SURF4: variants seen among roughly 807,000 people sequenced by gnomAD.
The protein encoded by SURF4 is surfeit locus protein 4.
In SURF4, 3 loss-of-function variants were observed where a neutral mutation model predicts 30.0. That is an observed-to-expected ratio of 0.10 (90% CI 0.05 to 0.26). The LOEUF is 0.26. Among genes scored for constraint, SURF4 ranks in the 10% least tolerant of loss-of-function variants. The probability of loss-of-function intolerance (pLI) is 1.00; values close to 1 mark genes in which losing one functional copy is unlikely to be tolerated. For synonymous variants in SURF4, 143 were observed against 139.9 expected (o/e 1.02, Z -0.16); for missense variants, 217 against 350.8 (o/e 0.62, Z 3.05).
intron 1 of SURF4, among the ~76,000 whole-genome samples, chr9:133,368,495 C>T (rs1323236224): frequency 2.0e-5 from 3 of 152,242 alleles, no homozygotes; most frequent in Admixed American, 2.0e-4. Context: ...GAAGCTGGTA[C>T]CGCTAATGGC....
At chr9:133,368,885 G>A (rs1837337804) in intron 1 of SURF4, among the ~76,000 whole-genome samples, 1 of 152,242 alleles carries the variant, frequency 6.6e-6, no homozygotes, top group African/African-American at 2.4e-5. Flanking sequence ...AGAGTCTAAA[G>A]AGCACCCGAG....
Position 133,363,458 on chromosome 9 carries a change from C to T in SURF4, c.*35G>A, listed in dbSNP as rs2130086541. ...ACCCCGAACCAGTCCTTGACGGCCA[C>T]GGGTCTTAGCCAGGCAGGTAGGGAT... On this transcript the variant is annotated 3_prime_UTR_variant, in exon 6 of 6. Coordinates refer to ENST00000371989, the MANE Select transcript of SURF4 (RefSeq NM_033161.4). The surrounding 1 kb of genome is among the most constrained non-coding windows in gnomAD (Gnocchi z 4.3). 45 of 1,614,102 alleles carry T rather than the reference C, an allele frequency of 2.8e-5. No homozygotes were observed. The highest frequency in any genetic ancestry group is 3.2e-5 in the Non-Finnish European group (38 of 1,180,046).
rs2130236494 is a variant in SURF4 at position 133,375,397 on chromosome 9, G to C, written c.48+525C>G. 1.2e-5 allele frequency: 12 copies of C among 985,562 alleles called. No homozygotes were observed. The African/African-American group carries it at 1.9e-4, about 16-fold the overall frequency. 61.1% of individuals were successfully genotyped at this position (985,562 alleles called of 1,614,324 possible). A position where few individuals can be genotyped will look rare whatever the true frequency, so the allele number is the denominator to read the frequency against. On this transcript the variant is annotated intron_variant, in intron 1 of 5. Coordinates refer to ENST00000371989, the MANE Select transcript of SURF4 (RefSeq NM_033161.4). ...CCAAGAGTCCAGCACATCTGGGAAA[G>C]AGAAAAGGAAAAGGTGCTGTGGCTT...
At chr9:133,367,518 T>G in intron 1 of SURF4, 73 bp from the exon 2 acceptor site, 2 of 1,597,602 alleles carry the variant, frequency 1.3e-6, no homozygotes, top group Middle Eastern at 2.2e-4. Flanking sequence ...GGCACGTCCT[T>G]GGGCGGGGTG....
chr9:133,367,603 C>G, intron 1 of SURF4, 158 bp from the exon 2 acceptor site: 2 of 1,505,588 alleles, frequency 1.3e-6, no homozygotes, highest in South Asian at 2.5e-5. Context: ...CTAGGGGGCT[C>G]TCAGTGCTTG....
intron 1 of SURF4, chr9:133,370,833 G>T (rs1352619505): frequency 9.4e-6 from 12 of 1,273,456 alleles, no homozygotes; most frequent in Non-Finnish European, 1.2e-5. Context: ...AGAGGTGGCT[G>T]TTGACCTGGC....
At chr9:133,364,789 G>A in intron 5 of SURF4, 51 bp downstream of exon 5, 1 of 1,589,712 alleles carries the variant, frequency 6.3e-7, no homozygotes, top group Non-Finnish European at 8.6e-7. Context: ...GGTGGGGGAG[G>A]GACAGCATTC....
chr9:133,376,220 C>T, upstream of SURF4: 1 of 1,282,804 alleles, frequency 7.8e-7, no homozygotes. Context: ...GAAGCCACGC[C>T]CGCCGCGCTC....
rs1160858480 is a variant in SURF4, at chr9:133,362,499, C to CT, written c.*993dup. ...GGGGCTGTCCACAGGGCGAGTGCAG[C>CT]TGGGAAAGGGCGGTGCTGCTCAGCC... On this transcript the variant is annotated 3_prime_UTR_variant, in exon 6 of 6. Coordinates refer to ENST00000371989, the MANE Select transcript of SURF4 (RefSeq NM_033161.4). The CT allele has an allele frequency of 1.3e-5, 2 of 152,724 alleles. No homozygotes were observed. The highest frequency in any genetic ancestry group is 2.9e-5 in the Non-Finnish European group (2 of 68,092). 9.5% of individuals were successfully genotyped at this position (152,724 alleles called of 1,614,324 possible).
chr9:133,363,661 G>T lies in SURF4; in HGVS notation c.642C>A (p.Ala214=). Residue 214 remains alanine, a synonymous_variant, in exon 6 of 6, where the codon GCC becomes GCA. Transcript: ENST00000371989. This position sits in a 1 kb window ranked among gnomAD's most constrained non-coding sequence, Gnocchi z 4.3. ...AALTLVVWLF[A]INVYFNAFWT... is the part of the protein sequence containing the mutation. ...AGAAGGCGTTGAAATATACGTTGAT[G>T]GCAAAGAGCCACACAACAAGAGTCA... 1 of 1,614,220 alleles carries T rather than the reference G, an allele frequency of 6.2e-7. No individual in the cohort carries two copies. Among genetic ancestry groups the T allele is most frequent in the South Asian group, 1.1e-5 (1 of 91,088 alleles).
intron 1 of SURF4, among the ~76,000 whole-genome samples, chr9:133,373,111 G>T (rs1837603721): frequency 6.6e-6 from 1 of 152,184 alleles, no homozygotes; most frequent in East Asian, 1.9e-4. Flanking sequence ...CTTGACTTGT[G>T]CCAGAAGAGC....
intron 1 of SURF4, among the ~76,000 whole-genome samples, chr9:133,371,549 G>A (rs2119163213): frequency 6.6e-6 from 1 of 152,326 alleles, no homozygotes; most frequent in Admixed American, 6.5e-5. Flanking sequence ...CATGTTCTGG[G>A]AGGAGCCCCG....
At chr9:133,368,414 G>A (rs2130158366) in intron 1 of SURF4, among the ~76,000 whole-genome samples, 21 of 152,262 alleles carry the variant, frequency 1.4e-4, no homozygotes, top group Non-Finnish European at 2.2e-4. Flanking sequence ...TTCCCAGCCC[G>A]ACGGAGCTCT....
intron 1 of SURF4, chr9:133,375,217 TC>T (rs1837811360): frequency 1.0e-6 from 1 of 985,334 alleles, no homozygotes; most frequent in Admixed American, 6.1e-5. Flanking sequence ...TTCAAAGGCT[TC>T]CCTGTTGCTC....
intron 1 of SURF4, among the ~76,000 whole-genome samples, chr9:133,372,251 A>T (rs2130195626): frequency 2.0e-5 from 3 of 152,232 alleles, no homozygotes; most frequent in African/African-American, 7.2e-5. Flanking sequence ...GCAGAGAGAC[A>T]AGAGATGCAA....
intron 5 of SURF4, among the ~76,000 whole-genome samples, chr9:133,364,137 C>T (rs1406605114): frequency 6.6e-6 from 1 of 152,232 alleles, no homozygotes; most frequent in South Asian, 2.1e-4. Context: ...ACTACCCGGC[C>T]AGGGCTCTCA....
At chr9:133,367,786 GT>G (rs1837267235) in intron 1 of SURF4, among the ~76,000 whole-genome samples, 5 of 152,248 alleles carry the variant, frequency 3.3e-5, no homozygotes, top group Admixed American at 2.6e-4. Context: ...GTCTTCCAAG[GT>G]GGCACTGCCA....
In SURF4 at chr9:133,361,573, C is replaced by T. The variant is rs188444259; in HGVS notation, c.*1920G>A. On this transcript the variant is annotated 3_prime_UTR_variant, in exon 6 of 6. Coordinates refer to ENST00000371989, the MANE Select transcript of SURF4 (RefSeq NM_033161.4). Reference sequence around the variant, plus strand: ...AAATGAGATTTAGATCTGTTTCCCACATAAAGCAAAAAAATCTTAGAAATT... The same window carrying T: ...AAATGAGATTTAGATCTGTTTCCCATATAAAGCAAAAAAATCTTAGAAATT... The T allele has an allele frequency of 3.2e-5, 5 of 155,126 alleles. No homozygotes were observed. Among genetic ancestry groups the T allele is most frequent in the Admixed American group, 1.3e-4 (2 of 15,758 alleles). The allele number at this position is 155,126 out of a possible 1,614,324, so 9.6% of individuals were successfully genotyped here. A position where few individuals can be genotyped will look rare whatever the true frequency, so the allele number is the denominator to read the frequency against.
Position 133,375,945 on chromosome 9 carries a change from T to C in SURF4, c.25A>G (p.Thr9Ala). 8.1e-7 allele frequency: 1 copy of C among 1,233,912 alleles called. No individual in the cohort carries two copies. Among genetic ancestry groups the C allele is most frequent in the East Asian group, 3.3e-5 (1 of 30,666 alleles). The allele number at this position is 1,233,912 out of a possible 1,614,324, so 76.4% of individuals were successfully genotyped here. A position where few individuals can be genotyped will look rare whatever the true frequency, so the allele number is the denominator to read the frequency against. The stretch of plus-strand genomic sequence containing the variant: ...ACCTGGTCGGCGAAGTCCTCGGCCG[T>C]GCCCATCAGGTCGTTCTGGCCCATG... MGQNDLMG[T>A]AEDFADQFLR... The change falls in exon 1 of 6, where the codon ACG (threonine) becomes GCG (alanine). Residue 9 changes from threonine (T) to alanine (A), a missense_variant. Physicochemically the swap from Thr to Ala is moderately conservative, Grantham distance 58 (BLOSUM62 0). Coordinates refer to ENST00000371989, the MANE Select transcript of SURF4 (RefSeq NM_033161.4).
Sources: gnomAD v4.1 joint callset for allele counts (sites outside exome capture counted in the v4.1 genomes callset) on GRCh38, gnomAD v4.1.1 for gene constraint, Gnocchi (gnomAD v3.1) non-coding constraint, MANE v1.5 for transcripts, NCBI Gene and HGNC (gene_info 2026-07-23, HGNC 2026-07-21) for gene names.